LPAR1: variants seen among roughly 807,000 people sequenced by gnomAD.
LPAR1 encodes LPA receptor 1.
A neutral mutation model predicts 23.8 loss-of-function variants in LPAR1; 5 were observed. The observed-to-expected ratio is 0.21, with a 90% CI of 0.11 to 0.44. LPAR1 has a LOEUF of 0.44. Ranked by LOEUF, LPAR1 falls within the 20% of genes least tolerant of loss-of-function variation. The pLI, the probability that LPAR1 is intolerant of heterozygous loss-of-function variation, is 0.99. For missense variants in LPAR1, 311 were observed against 482.8 expected (o/e 0.64, Z 3.33); for synonymous variants, 160 against 164.7 (o/e 0.97, Z 0.22).
chr9:110,930,082 C>T (rs2094305141), intron 5 of LPAR1, among the ~76,000 whole-genome samples: 1 of 152,188 alleles, frequency 6.6e-6, no homozygotes, highest in African/African-American at 2.4e-5. Flanking sequence ...CTGTAAAACA[C>T]CATAGAAAAT....
At chr9:110,989,905 A>G (rs924903156) in intron 2 of LPAR1, among the ~76,000 whole-genome samples, 1 of 152,134 alleles carries the variant, frequency 6.6e-6, no homozygotes, top group African/African-American at 2.4e-5. Context: ...GGATAAAAAA[A>G]CGAAATACCC....
chr9:110,886,694 T>C (rs1273598615), intron 5 of LPAR1, among the ~76,000 whole-genome samples: 2 of 152,200 alleles, frequency 1.3e-5, no homozygotes, highest in Non-Finnish European at 2.9e-5. Flanking sequence ...GTACCACATA[T>C]ATTCTTCACA....
intron 5 of LPAR1, among the ~76,000 whole-genome samples, chr9:110,940,170 G>T (rs565821600): frequency 6.6e-6 from 1 of 152,204 alleles, no homozygotes; most frequent in Non-Finnish European, 1.5e-5. Context: ...TGATCCCAAG[G>T]CTTAGTTGCT....
At chr9:111,024,139 T>C (rs1172013160) in intron 2 of LPAR1, among the ~76,000 whole-genome samples, 1 of 152,036 alleles carries the variant, frequency 6.6e-6, no homozygotes, top group Admixed American at 6.6e-5. Flanking sequence ...CTTTTGAACT[T>C]CAACAAGATA....
intron 4 of LPAR1, among the ~76,000 whole-genome samples, chr9:110,943,197 A>T (rs2095233271): frequency 6.7e-6 from 1 of 150,136 alleles, no homozygotes; most frequent in African/African-American, 2.4e-5. Flanking sequence ...AAAAGTATAC[A>T]TCACATAGAG....
intron 2 of LPAR1, among the ~76,000 whole-genome samples, chr9:111,011,964 T>C (rs999220445): frequency 6.6e-6 from 1 of 152,062 alleles, no homozygotes; most frequent in Non-Finnish European, 1.5e-5. Flanking sequence ...AAATGCAGAG[T>C]CTCAGCTAGG....
intron 4 of LPAR1, among the ~76,000 whole-genome samples, chr9:110,959,068 T>C (rs1342189920): frequency 2.3e-5 from 3 of 130,992 alleles, no homozygotes; most frequent in African/African-American, 8.9e-5. Flanking sequence ...AAAAAAAAAA[T>C]GCTGGCAAGG....
chr9:111,011,543 C>G (rs746860100), intron 2 of LPAR1, among the ~76,000 whole-genome samples: 11 of 152,206 alleles, frequency 7.2e-5, no homozygotes, highest in Non-Finnish European at 1.6e-4. Context: ...CACTTCAAAT[C>G]TTACCTGGCC....
rs2096483014 is a variant in LPAR1, at chr9:110,973,461, A to G, written c.-104+20T>C. 6.6e-6 allele frequency: 1 copy of G among 152,230 alleles called. No homozygotes were observed. Among genetic ancestry groups the G allele is most frequent in the Admixed American group, 6.5e-5 (1 of 15,280 alleles). The allele number at this position is 152,230 out of a possible 1,614,324, so 9.4% of individuals were successfully genotyped here. ...AAGGAACTTAGTTACCGCTTTTAAGACTAAAGAAAGGCAAGATACCTGATG... is the reference window on the plus strand; with the variant it reads ...AAGGAACTTAGTTACCGCTTTTAAGGCTAAAGAAAGGCAAGATACCTGATG... On this transcript the variant is annotated intron_variant, in intron 3 of 5. Coordinates refer to ENST00000683809, the MANE Select transcript of LPAR1 (RefSeq NM_001351411.2).
intron 4 of LPAR1, among the ~76,000 whole-genome samples, chr9:110,943,584 G>A (rs779842177): frequency 1.3e-5 from 2 of 152,040 alleles, no homozygotes; most frequent in Admixed American, 6.6e-5. Context: ...ACAGTCCAGG[G>A]CACAGTGGCT....
At chr9:110,905,693 C>A (rs2091018741) in intron 5 of LPAR1, among the ~76,000 whole-genome samples, 1 of 152,232 alleles carries the variant, frequency 6.6e-6, no homozygotes, top group African/African-American at 2.4e-5. Context: ...TTAATTGCAC[C>A]ATTTACCACA....
At chr9:110,966,016 A>C (rs1001711601) in intron 4 of LPAR1, among the ~76,000 whole-genome samples, 9 of 152,206 alleles carry the variant, frequency 5.9e-5, no homozygotes, top group Non-Finnish European at 1.0e-4. Flanking sequence ...TCAGCAAACT[A>C]ACACAGGAAC....
At chr9:110,885,517 GCAGCA>G (rs1353097216) in intron 5 of LPAR1, among the ~76,000 whole-genome samples, 1 of 152,166 alleles carries the variant, frequency 6.6e-6, no homozygotes, top group Non-Finnish European at 1.5e-5. Flanking sequence ...AAATATGGAA[GCAGCA>G]CAACCACCTA....
chr9:110,899,376 A>G (rs1362544826), intron 5 of LPAR1, among the ~76,000 whole-genome samples: 2 of 152,226 alleles, frequency 1.3e-5, no homozygotes, highest in African/African-American at 4.8e-5. Flanking sequence ...TTCGATCCAT[A>G]AATAATATCA....
At chr9:111,015,634 A>G (rs1220419978) in intron 2 of LPAR1, among the ~76,000 whole-genome samples, 7 of 152,168 alleles carry the variant, frequency 4.6e-5, no homozygotes. Flanking sequence ...TCTTTCTGAG[A>G]TCCACTGCAC....
chr9:111,007,288 T>G (rs905220233), intron 2 of LPAR1, among the ~76,000 whole-genome samples: 1 of 152,186 alleles, frequency 6.6e-6, no homozygotes, highest in Non-Finnish European at 1.5e-5. Context: ...AAAAATGGCC[T>G]AATGCACTAC....
In LPAR1 at chr9:111,003,450, T is replaced by C. The variant is rs546214270; in HGVS notation, c.-181-29892A>G. On this transcript the variant is annotated intron_variant, in intron 2 of 5. Coordinates refer to ENST00000683809, the MANE Select transcript of LPAR1 (RefSeq NM_001351411.2). Reference sequence around the variant, plus strand: ...ACCCATTCTCTAGGGACAATGAATGTAATTTGCTTAATAGAGTGAACCACA... The same window carrying C: ...ACCCATTCTCTAGGGACAATGAATGCAATTTGCTTAATAGAGTGAACCACA... 8.5e-5 allele frequency among the ~76,000 whole-genome samples: 13 copies of C among 152,284 alleles called. No homozygotes were observed. The East Asian group carries it at 2.1e-3, about 25-fold the overall frequency.
At chr9:111,012,914 C>T (rs2097361930) in intron 2 of LPAR1, among the ~76,000 whole-genome samples, 1 of 152,092 alleles carries the variant, frequency 6.6e-6, no homozygotes, top group South Asian at 2.1e-4. Flanking sequence ...TGGATTCAGC[C>T]TGTAACTTTG....
At chr9:110,914,421 T>C (rs1028292148) in intron 5 of LPAR1, among the ~76,000 whole-genome samples, 4 of 152,046 alleles carry the variant, frequency 2.6e-5, no homozygotes, top group Non-Finnish European at 4.4e-5. Context: ...TGTAAAACCA[T>C]CAGGTCTCAT....
Sources: gnomAD v4.1 joint callset for allele counts (sites outside exome capture counted in the v4.1 genomes callset) on GRCh38, gnomAD v4.1.1 for gene constraint, MANE v1.5 for transcripts, NCBI Gene and HGNC (gene_info 2026-07-23, HGNC 2026-07-21) for gene names.